The following CCDC38 variants were observed in gnomAD, a reference collection of about 807,000 sequenced individuals.
CCDC38 encodes coiled-coil domain-containing protein 38.
Under a neutral mutation model 72.8 loss-of-function variants are expected in CCDC38, and 69 were observed. The observed-to-expected ratio is 0.95, with a 90% CI of 0.78 to 1.16. The LOEUF is 1.16. Ranked by LOEUF, CCDC38 falls within the 50% of genes most tolerant of loss-of-function variation. CCDC38 has a pLI of 0.00. For missense variants in CCDC38, 626 were observed against 638.9 expected (o/e 0.98, Z 0.22); for synonymous variants, 201 against 213.2 (o/e 0.94, Z 0.50).
chr12:95,890,976 G>T, intron 8 of CCDC38, 46 bp from the exon 9 acceptor site: 1 of 1,053,332 alleles, frequency 9.5e-7, no homozygotes, highest in Non-Finnish European at 1.4e-6. Context: ...AAGATGGGGG[G>T]AAAAAAACAC....
Position 95,867,138 on chromosome 12 carries a change from GC to G in CCDC38, c.1629del (p.Gln543HisfsTer5), listed in dbSNP as rs762709526. The G allele has an allele frequency of 1.2e-5, 19 of 1,609,468 alleles. No individual in the cohort carries two copies. Among genetic ancestry groups the G allele is most frequent in the Non-Finnish European group, 8.5e-7 (1 of 1,177,716 alleles). ...FHSKPPSGNK[Q>X]QLPLVNETKT... Reference sequence around the variant, plus strand: ...TTTGTTTCATTGACTAAAGGTAGCTGCTGTTTGTTACCAGATGGAGGTTTTG... The same window carrying G: ...TTTGTTTCATTGACTAAAGGTAGCTGTGTTTGTTACCAGATGGAGGTTTTG... On this transcript the variant is annotated frameshift_variant, in exon 16 of 16. Coordinates refer to ENST00000344280, the MANE Select transcript of CCDC38 (RefSeq NM_182496.3). LOFTEE classifies it high-confidence loss of function.
upstream of CCDC38, chr12:95,942,654 C>A: frequency 6.6e-6 from 1 of 152,612 alleles, no homozygotes; most frequent in Non-Finnish European, 1.5e-5. Context: ...AGCACCTCCC[C>A]TACCGCATCC....
chr12:95,906,849 C>T (rs1339527434), intron 4 of CCDC38, among the ~76,000 whole-genome samples: 3 of 134,088 alleles, frequency 2.2e-5, no homozygotes, highest in African/African-American at 5.7e-5. Context: ...TTTTATTGAT[C>T]ATTCTTGGGT....
At chr12:95,914,821 T>C (rs2080128747) in intron 4 of CCDC38, among the ~76,000 whole-genome samples, 1 of 152,164 alleles carries the variant, frequency 6.6e-6, no homozygotes, top group Non-Finnish European at 1.5e-5. Flanking sequence ...AAGCCATTCA[T>C]TTGTTCAAGA....
chr12:95,908,002 G>A (rs1156821467), intron 4 of CCDC38, among the ~76,000 whole-genome samples: 2 of 150,732 alleles, frequency 1.3e-5, no homozygotes, highest in South Asian at 2.1e-4. Context: ...GACGATGGGC[G>A]GCCAGGCAGA....
chr12:95,869,348 C>G lies in CCDC38; in HGVS notation c.1578+132G>C, dbSNP rs773171809. 194 of 624,878 alleles carry G rather than the reference C, an allele frequency of 3.1e-4. 1 individual carries two copies. The highest frequency in any genetic ancestry group is 4.7e-4 in the Non-Finnish European group (176 of 370,566). The allele number at this position is 624,878 out of a possible 1,614,324, so 38.7% of individuals were successfully genotyped here. A position where few individuals can be genotyped will look rare whatever the true frequency, so the allele number is the denominator to read the frequency against. Reference sequence around the variant, plus strand: ...CTAAAAGTAACAAGGAACCAGAGACCAATTGTAGCTGTGAGCAAGAAAGAT... The same window carrying G: ...CTAAAAGTAACAAGGAACCAGAGACGAATTGTAGCTGTGAGCAAGAAAGAT... On this transcript the variant is annotated intron_variant, in intron 15 of 15. Transcript: ENST00000344280.
At chr12:95,920,912 T>C (rs1320626845) in intron 2 of CCDC38, among the ~76,000 whole-genome samples, 1 of 152,066 alleles carries the variant, frequency 6.6e-6, no homozygotes, top group Admixed American at 6.6e-5. Context: ...GTGGATAACC[T>C]GAGGTCGGGA....
intron 9 of CCDC38, chr12:95,889,054 T>TTC (rs2079793426): frequency 1.6e-5 from 3 of 185,578 alleles, no homozygotes; most frequent in South Asian, 1.7e-4. Context: ...TTTTTTTTTT[T>TTC]TGAGATGGAG....
intron 8 of CCDC38, among the ~76,000 whole-genome samples, chr12:95,892,573 G>C (rs1278369438): frequency 1.3e-5 from 2 of 148,658 alleles, no homozygotes; most frequent in African/African-American, 5.0e-5. Context: ...CACTGTACCT[G>C]GCTTAAATTC....
chr12:95,894,979 A>C lies in CCDC38; in HGVS notation c.772+10T>G. On this transcript the variant is annotated intron_variant, in intron 8 of 15. Coordinates refer to ENST00000344280, the MANE Select transcript of CCDC38 (RefSeq NM_182496.3). ...ATTTAGTTCATGAAAGTTGAGTATA[A>C]GTAACTTACTTGCTAATATTTTTGG... is the stretch of plus-strand genomic sequence containing the variant. The C allele has an allele frequency of 6.3e-7, 1 of 1,599,186 alleles. No individual in the cohort carries two copies. The highest frequency in any genetic ancestry group is 8.5e-7 in the Non-Finnish European group (1 of 1,173,202).
intron 13 of CCDC38, among the ~76,000 whole-genome samples, chr12:95,875,295 GTTTGC>G (rs988789522): frequency 2.0e-5 from 3 of 152,266 alleles, no homozygotes; most frequent in East Asian, 1.9e-4. Context: ...ACACGGGTGT[GTTTGC>G]TTTGAGAAAA....
intron 5 of CCDC38, among the ~76,000 whole-genome samples, chr12:95,900,776 C>T (rs538725207): frequency 1.4e-4 from 22 of 152,154 alleles, no homozygotes; most frequent in Non-Finnish European, 2.4e-4. Context: ...CAAAAAAATC[C>T]CCCTTTAAAA....
intron 13 of CCDC38, among the ~76,000 whole-genome samples, chr12:95,875,905 A>G (rs1217258201): frequency 6.6e-6 from 1 of 152,102 alleles, no homozygotes; most frequent in Admixed American, 6.6e-5. Context: ...TTATTTTTTA[A>G]TAGTTGCCCC....
intron 10 of CCDC38, among the ~76,000 whole-genome samples, chr12:95,883,370 T>G (rs953901094): frequency 6.6e-6 from 1 of 152,146 alleles, no homozygotes; most frequent in Admixed American, 6.5e-5. Flanking sequence ...CATCACCACT[T>G]CCCTGCTCAT....
At chr12:95,929,669 A>G (rs1421575048) in intron 2 of CCDC38, among the ~76,000 whole-genome samples, 1 of 152,246 alleles carries the variant, frequency 6.6e-6, no homozygotes, top group Non-Finnish European at 1.5e-5. Flanking sequence ...CCAAGTTCAA[A>G]GCTGAGTTTA....
At position 95,872,424 on chromosome 12, in the gene CCDC38, G is replaced by T. The variant is rs777326778; in HGVS notation, c.1315C>A (p.Gln439Lys). 1.5e-5 allele frequency: 25 copies of T among 1,613,864 alleles called. No individual in the cohort carries two copies. The highest frequency in any genetic ancestry group is 2.1e-5 in the Non-Finnish European group (25 of 1,179,910). The change falls in exon 14 of 16, where the codon CAA becomes AAA. Residue 439 changes from glutamine (Q) to lysine (K), a missense_variant. Gln to Lys is a moderately conservative substitution (Grantham distance 53). Coordinates refer to ENST00000344280, the MANE Select transcript of CCDC38 (RefSeq NM_182496.3). ...TCTCCAATGCAGACTTTGTATACTT[G>T]AGTAATCTTTTTACTAAGTGAGTCT... ...LIDSLSKKIT[Q>K]VYKVCIGDAE...
intron 2 of CCDC38, among the ~76,000 whole-genome samples, chr12:95,928,039 G>C (rs550355541): frequency 0.016 from 2,374 of 147,850 alleles, 35 homozygotes; most frequent in Non-Finnish European, 0.023. Context: ...TTCTCGAGGA[G>C]TATCTTTGTG....
chr12:95,933,500 T>C (rs1365802642), intron 2 of CCDC38: 1 of 151,822 alleles, frequency 6.6e-6, no homozygotes, highest in African/African-American at 2.4e-5. Context: ...ACCCATTTGA[T>C]TGGCAAAGCA....
chr12:95,926,657 C>T (rs1005009810), intron 2 of CCDC38, among the ~76,000 whole-genome samples: 17 of 151,566 alleles, frequency 1.1e-4, no homozygotes, highest in Non-Finnish European at 2.1e-4. Flanking sequence ...TGGATCTTTC[C>T]TGCTTTCTCT....
Sources: allele counts gnomAD v4.1 joint callset (sites outside exome capture counted in the v4.1 genomes callset), GRCh38; gene constraint gnomAD v4.1.1; transcripts MANE v1.5; gene names NCBI Gene and HGNC (gene_info 2026-07-23, HGNC 2026-07-21).